Variants in PDE4B observed in about 807,000 individuals in gnomAD.
PDE4B encodes 3',5'-cyclic-AMP phosphodiesterase 4B.
Under a neutral mutation model 82.2 loss-of-function variants are expected in PDE4B, and 20 were observed. The observed-to-expected ratio is 0.24, with a 90% CI of 0.17 to 0.35. The LOEUF is 0.35. Among genes scored for constraint, PDE4B ranks in the 10% least tolerant of loss-of-function variants. PDE4B has a pLI of 1.00. For synonymous variants in PDE4B, 320 were observed against 318.9 expected, an observed-to-expected ratio of 1.00 and a Z score of -0.04; for missense variants, 655 against 907.2, an observed-to-expected ratio of 0.72 and a Z score of 3.57.
chr1:66,204,556 C>G (rs998874504), intron 3 of PDE4B, among the ~76,000 whole-genome samples: 3 of 152,206 alleles, frequency 2.0e-5, no homozygotes, highest in African/African-American at 7.2e-5. Context: ...GGCAGGTGCC[C>G]CTCCCCCAGC....
intron 3 of PDE4B, among the ~76,000 whole-genome samples, chr1:66,129,114 C>G (rs1345338193): frequency 6.6e-6 from 1 of 152,160 alleles, no homozygotes; most frequent in Non-Finnish European, 1.5e-5. Flanking sequence ...AGTAGTTGGC[C>G]TTGCCCATGT....
At chr1:66,185,749 G>A (rs1167612195) in intron 3 of PDE4B, among the ~76,000 whole-genome samples, 2 of 151,906 alleles carry the variant, frequency 1.3e-5, no homozygotes, top group African/African-American at 4.8e-5. Flanking sequence ...TTTGTCAGAT[G>A]AGTAGATTGC....
intron 3 of PDE4B, among the ~76,000 whole-genome samples, chr1:66,211,413 C>T (rs1022155405): frequency 6.6e-6 from 1 of 152,166 alleles, no homozygotes. Flanking sequence ...ACTGAGTAGA[C>T]AGAAGCAATA....
At chr1:66,223,885 G>C (rs1315208766) in intron 3 of PDE4B, among the ~76,000 whole-genome samples, 2 of 152,134 alleles carry the variant, frequency 1.3e-5, no homozygotes, top group Non-Finnish European at 2.9e-5. Flanking sequence ...GAATATTGCA[G>C]CATCTGACTC....
chr1:65,928,986 A>G (rs1647673706), intron 3 of PDE4B, among the ~76,000 whole-genome samples: 1 of 152,142 alleles, frequency 6.6e-6, no homozygotes, highest in Non-Finnish European at 1.5e-5. Context: ...CACACCCTTA[A>G]TATCCATTCC....
At chr1:66,186,753 T>C (rs956845150) in intron 3 of PDE4B, among the ~76,000 whole-genome samples, 2 of 152,318 alleles carry the variant, frequency 1.3e-5, no homozygotes, top group East Asian at 1.9e-4. Context: ...TGGGGTTTTC[T>C]AGATATACAA....
At chr1:66,270,767 G>C (rs191785833) in intron 7 of PDE4B, among the ~76,000 whole-genome samples, 1 of 151,960 alleles carries the variant, frequency 6.6e-6, no homozygotes, top group Non-Finnish European at 1.5e-5. Context: ...AAAGATTAGA[G>C]GGAATTATAA....
intron 3 of PDE4B, among the ~76,000 whole-genome samples, chr1:65,994,800 T>C (rs1651443837): frequency 6.6e-6 from 1 of 152,136 alleles, no homozygotes; most frequent in African/African-American, 2.4e-5. Context: ...GGTAATATTT[T>C]TCTTTATGTA....
chr1:66,246,722 C>T (rs1209649501), intron 3 of PDE4B, among the ~76,000 whole-genome samples: 1 of 152,176 alleles, frequency 6.6e-6, no homozygotes, highest in Non-Finnish European at 1.5e-5. Context: ...GGCTTGAGGG[C>T]ACCTTTCTAG....
chr1:66,034,633 A>G (rs1438308591), intron 3 of PDE4B, among the ~76,000 whole-genome samples: 1 of 152,192 alleles, frequency 6.6e-6, no homozygotes, highest in Non-Finnish European at 1.5e-5. Context: ...TCAGCCTGTA[A>G]GTGCTTTGAA....
At chr1:66,005,797 T>G (rs572595161) in intron 3 of PDE4B, among the ~76,000 whole-genome samples, 1 of 152,316 alleles carries the variant, frequency 6.6e-6, no homozygotes, top group South Asian at 2.1e-4. Context: ...ATGAAGGAGC[T>G]ATCTTCATGA....
intron 3 of PDE4B, among the ~76,000 whole-genome samples, chr1:66,182,413 A>G (rs1477779950): frequency 6.6e-6 from 1 of 152,210 alleles, no homozygotes; most frequent in African/African-American, 2.4e-5. Flanking sequence ...GAGACATTAA[A>G]GAAAATTGCT....
chr1:66,061,572 T>C lies in PDE4B; in HGVS notation c.281+142737T>C, dbSNP rs529281157. 2.0e-5 allele frequency among the ~76,000 whole-genome samples: 3 copies of C among 152,260 alleles called. No individual in the cohort carries two copies. In the East Asian group the frequency reaches 5.8e-4, roughly 29 times the overall value. On this transcript the variant is annotated intron_variant, in intron 3 of 16. Coordinates refer to ENST00000341517, the MANE Select transcript of PDE4B (RefSeq NM_002600.4). Reference sequence around the variant, plus strand: ...TTGTTTCAAGACTTTACTGAAGTTCTGTGAGCTACACTCATTGTGTAAAAT... The same window carrying C: ...TTGTTTCAAGACTTTACTGAAGTTCCGTGAGCTACACTCATTGTGTAAAAT...
chr1:66,020,047 C>G (rs771898312), intron 3 of PDE4B, among the ~76,000 whole-genome samples: 1 of 152,146 alleles, frequency 6.6e-6, no homozygotes, highest in Non-Finnish European at 1.5e-5. Flanking sequence ...TAGTTACTAT[C>G]GACAAGCATA....
intron 6 of PDE4B, among the ~76,000 whole-genome samples, chr1:66,260,806 A>C (rs900202283): frequency 1.1e-4 from 17 of 152,146 alleles, no homozygotes; most frequent in Non-Finnish European, 4.4e-5. Context: ...CAAGTACCCC[A>C]AGACCATAAT....
At chr1:66,017,904 T>C (rs1343659774) in intron 3 of PDE4B, among the ~76,000 whole-genome samples, 1 of 152,126 alleles carries the variant, frequency 6.6e-6, no homozygotes, top group African/African-American at 2.4e-5. Context: ...ATTTACTGAG[T>C]TGTATGTGGA....
intron 3 of PDE4B, among the ~76,000 whole-genome samples, chr1:66,041,692 T>G (rs1654381169): frequency 6.6e-6 from 1 of 151,856 alleles, no homozygotes; most frequent in South Asian, 2.1e-4. Flanking sequence ...TTTCTGTGCT[T>G]TGTAACAGCA....
chr1:66,167,433 T>A (rs1408453317), intron 3 of PDE4B, among the ~76,000 whole-genome samples: 1 of 152,146 alleles, frequency 6.6e-6, no homozygotes, highest in African/African-American at 2.4e-5. Flanking sequence ...AAAGAACCCA[T>A]GCAATGTGTG....
chr1:65,878,201 G>A (rs1465312081), intron 1 of PDE4B, among the ~76,000 whole-genome samples: 3 of 152,208 alleles, frequency 2.0e-5, no homozygotes, highest in African/African-American at 7.2e-5. Context: ...ATGCCAGTTA[G>A]AATGGTGACC....
Sources: gnomAD v4.1 joint callset for allele counts (sites outside exome capture counted in the v4.1 genomes callset) on GRCh38, gnomAD v4.1.1 for gene constraint, MANE v1.5 for transcripts, NCBI Gene and HGNC (gene_info 2026-07-23, HGNC 2026-07-21) for gene names.